Variants in CCDC102B observed in about 807,000 individuals in gnomAD.
The protein encoded by CCDC102B is coiled-coil domain containing 102B, also known as coiled-coil domain-containing protein 102B.
CCDC102B carries 75 observed loss-of-function variants against 57.4 expected under a neutral mutation model. The ratio of observed to expected loss-of-function variants is 1.31; its 90% CI spans 1.08 to 1.58. The LOEUF is 1.58. CCDC102B is among the 40% of genes most tolerant of loss of function. CCDC102B has a pLI of 0.00. For synonymous variants in CCDC102B, 206 were observed against 201.9 expected, an observed-to-expected ratio of 1.02 and a Z score of -0.17; for missense variants, 636 against 582.6, an observed-to-expected ratio of 1.09 and a Z score of -0.94.
chr18:69,033,343 A>C (rs1411477173), intron 7 of CCDC102B, among the ~76,000 whole-genome samples: 2 of 152,138 alleles, frequency 1.3e-5, no homozygotes, highest in Non-Finnish European at 2.9e-5. Context: ...TTCAATAGTT[A>C]TTAGTATCAT....
intron 6 of CCDC102B, among the ~76,000 whole-genome samples, chr18:68,972,826 C>A (rs931450802): frequency 2.0e-5 from 3 of 152,082 alleles, no homozygotes; most frequent in African/African-American, 7.2e-5. Flanking sequence ...CTTTCTCCTT[C>A]ATCTAATTGT....
intron 6 of CCDC102B, among the ~76,000 whole-genome samples, chr18:68,906,388 G>A (rs966589289): frequency 9.9e-5 from 15 of 152,168 alleles, no homozygotes; most frequent in African/African-American, 3.6e-4. Context: ...GTAACTTGTG[G>A]AGGAATCGCC....
At chr18:68,814,062 T>G (rs1399127703) in intron 1 of CCDC102B, among the ~76,000 whole-genome samples, 4 of 151,952 alleles carry the variant, frequency 2.6e-5, no homozygotes, top group African/African-American at 7.2e-5. Flanking sequence ...TAGGAAAAAA[T>G]GAGAAAAAAT....
chr18:68,777,408 G>A (rs1482275278), intron 2 of CCDC102B, among the ~76,000 whole-genome samples: 1 of 152,142 alleles, frequency 6.6e-6, no homozygotes, highest in Non-Finnish European at 1.5e-5. Flanking sequence ...TCCTCAAAAT[G>A]GGAGTCAAAG....
chr18:68,998,997 TATAGAGAGAGAGAG>T (rs1399866745), intron 6 of CCDC102B, among the ~76,000 whole-genome samples: 2,035 of 30,098 alleles, frequency 0.068, 11 homozygotes, highest in Middle Eastern at 0.11. Context: ...TATATATATA[TATAGAGAGAGAGAG>T]AGAGAGAGAG....
intron 6 of CCDC102B, among the ~76,000 whole-genome samples, chr18:68,999,603 TTTTGTTTG>T (rs143073155): frequency 3.2e-4 from 49 of 151,946 alleles, no homozygotes; most frequent in African/African-American, 1.2e-3. Context: ...AAGATTCTGG[TTTTGTTTG>T]TTTGTTTGTT....
At position 68,722,711 on chromosome 18, in the gene CCDC102B, T is replaced by C. The variant is rs372612252; in HGVS notation, c.-67+6117T>C. ...AGTACCCGCCAGATCTTTGATGAAATTTTTCAGGAAGCGAGAGAAATACAA... is the reference window on the plus strand; with the variant it reads ...AGTACCCGCCAGATCTTTGATGAAACTTTTCAGGAAGCGAGAGAAATACAA... On this transcript the variant is annotated intron_variant, in intron 2 of 3. Transcript: ENST00000578970. 1.2e-3 allele frequency among the ~76,000 whole-genome samples: 185 copies of C among 152,160 alleles called. 1 individual carries two copies. The highest frequency in any genetic ancestry group is 4.1e-3 in the African/African-American group (170 of 41,506).
intron 2 of CCDC102B, among the ~76,000 whole-genome samples, chr18:68,774,231 C>T (rs2034736623): frequency 6.6e-6 from 1 of 151,668 alleles, no homozygotes; most frequent in African/African-American, 2.4e-5. Context: ...TGTCACTATT[C>T]CTAACTTTTT....
At chr18:68,836,520 C>T (rs891167157) in intron 1 of CCDC102B, among the ~76,000 whole-genome samples, 5 of 150,966 alleles carry the variant, frequency 3.3e-5, no homozygotes, top group African/African-American at 1.2e-4. Flanking sequence ...CCGAGCTACT[C>T]AGTAGACTGA....
intron 2 of CCDC102B, among the ~76,000 whole-genome samples, chr18:68,728,575 A>G (rs371450021): frequency 3.1e-4 from 47 of 152,332 alleles, no homozygotes; most frequent in African/African-American, 1.1e-3. Context: ...TGTGACCTGA[A>G]GCAGGCAGAA....
intron 6 of CCDC102B, among the ~76,000 whole-genome samples, chr18:68,970,719 G>A (rs1191731356): frequency 6.6e-6 from 1 of 151,956 alleles, no homozygotes; most frequent in African/African-American, 2.4e-5. Context: ...TTTTCTGAAT[G>A]CAATATGCTT....
intron 1 of CCDC102B, among the ~76,000 whole-genome samples, chr18:68,824,531 C>T (rs540071565): frequency 7.2e-5 from 11 of 152,274 alleles, no homozygotes; most frequent in African/African-American, 2.2e-4. Context: ...GCCAGGATTT[C>T]GAGTACTATG....
At chr18:68,837,912 A>G (rs982866390) in intron 2 of CCDC102B, among the ~76,000 whole-genome samples, 1 of 152,236 alleles carries the variant, frequency 6.6e-6, no homozygotes, top group Non-Finnish European at 1.5e-5. Flanking sequence ...TGCAATGCTC[A>G]TTCTTGAGAG....
intron 4 of CCDC102B, among the ~76,000 whole-genome samples, chr18:68,873,707 C>T (rs1204847967): frequency 6.6e-6 from 1 of 151,954 alleles, no homozygotes; most frequent in African/African-American, 2.4e-5. Context: ...CTAATAACAA[C>T]ATTATGAGTA....
At chr18:69,047,261 A>C (rs2052590814) in intron 7 of CCDC102B, among the ~76,000 whole-genome samples, 1 of 152,152 alleles carries the variant, frequency 6.6e-6, no homozygotes, top group Admixed American at 6.6e-5. Flanking sequence ...AATGTGAATC[A>C]TCACATAAAG....
intron 2 of CCDC102B, among the ~76,000 whole-genome samples, chr18:68,732,627 A>G (rs554130758): frequency 1.7e-4 from 26 of 152,204 alleles, no homozygotes; most frequent in African/African-American, 5.8e-4. Context: ...GATTACAGGC[A>G]TGACCCACAG....
chr18:68,914,667 C>T (rs755934082), intron 6 of CCDC102B, among the ~76,000 whole-genome samples: 6 of 152,174 alleles, frequency 3.9e-5, no homozygotes, highest in Non-Finnish European at 7.3e-5. Flanking sequence ...CTATCTCCGA[C>T]CTCACTGATT....
intron 6 of CCDC102B, 50 bp downstream of exon 6, chr18:68,897,478 G>T (rs774228558): frequency 3.0e-5 from 47 of 1,568,076 alleles, no homozygotes; most frequent in Non-Finnish European, 3.8e-5. Context: ...TCACTCTGAT[G>T]CCTACGCAGA....
chr18:68,816,058 C>T (rs948443338), intron 1 of CCDC102B, among the ~76,000 whole-genome samples: 1 of 152,090 alleles, frequency 6.6e-6, no homozygotes, highest in East Asian at 1.9e-4. Flanking sequence ...TTGTAGCAGA[C>T]TTTTTATTGT....
Sources: allele counts gnomAD v4.1 joint callset (sites outside exome capture counted in the v4.1 genomes callset), GRCh38; gene constraint gnomAD v4.1.1; transcripts MANE v1.5; gene names NCBI Gene and HGNC (gene_info 2026-07-23, HGNC 2026-07-21).